The following SKIL variants were observed in gnomAD, a reference collection of about 807,000 sequenced individuals.
SKIL encodes ski-like protein.
Under a neutral mutation model 69.6 loss-of-function variants are expected in SKIL, and 20 were observed. The observed-to-expected ratio is 0.29, with a 90% confidence interval of 0.20 to 0.42. SKIL has a LOEUF of 0.42. SKIL is among the 10% of genes least tolerant of loss of function. SKIL has a pLI of 1.00. For missense variants in SKIL, 745 were observed against 783.1 expected, an observed-to-expected ratio of 0.95 and a Z score of 0.58; for synonymous variants, 310 against 279.9, an observed-to-expected ratio of 1.11 and a Z score of -1.08.
intron 2 of SKIL, among the ~76,000 whole-genome samples, chr3:170,374,650 A>G (rs139155889): frequency 3.1e-4 from 47 of 152,286 alleles, no homozygotes; most frequent in African/African-American, 1.0e-3. Flanking sequence ...TAGATGAGAA[A>G]ATCTGGCATG....
At chr3:170,375,091 T>C (rs1736969555) in intron 2 of SKIL, among the ~76,000 whole-genome samples, 1 of 152,216 alleles carries the variant, frequency 6.6e-6, no homozygotes, top group South Asian at 2.1e-4. Flanking sequence ...AAGGTAAGGC[T>C]GGTTCTTGAC....
At chr3:170,367,868 T>A (rs1280149480) in intron 2 of SKIL, among the ~76,000 whole-genome samples, 1 of 152,208 alleles carries the variant, frequency 6.6e-6, no homozygotes, top group South Asian at 2.1e-4. Context: ...ATAGATTACT[T>A]ATGATACAAA....
intron 4 of SKIL, 80 bp from the exon 5 acceptor site, chr3:170,390,143 A>G: frequency 1.0e-6 from 1 of 1,003,930 alleles, no homozygotes; most frequent in South Asian, 1.6e-5. Flanking sequence ...TGTTTTAAAA[A>G]TTACATTTAT....
intron 4 of SKIL, among the ~76,000 whole-genome samples, chr3:170,388,901 ACTCTGTTGCC>A (rs1189503140): frequency 6.6e-6 from 1 of 151,138 alleles, no homozygotes; most frequent in East Asian, 2.0e-4. Context: ...ACAGAGTCTC[ACTCTGTTGCC>A]CAGGCTGGAG....
chr3:170,358,064 C>A (rs1736021521), intron 1 of SKIL, among the ~76,000 whole-genome samples: 1 of 152,068 alleles, frequency 6.6e-6, no homozygotes, highest in South Asian at 2.1e-4. Flanking sequence ...CCCGGAGACC[C>A]GGACGCCCGT....
intron 2 of SKIL, among the ~76,000 whole-genome samples, chr3:170,366,690 C>CACAG (rs1553852231): frequency 3.0e-4 from 26 of 87,146 alleles, no homozygotes; most frequent in East Asian, 2.3e-3. Flanking sequence ...CACACACACA[C>CACAG]ACACAGACAC....
chr3:170,382,412 GAT>G (rs1491302785), intron 3 of SKIL, among the ~76,000 whole-genome samples: 8 of 83,266 alleles, frequency 9.6e-5, no homozygotes, highest in Non-Finnish European at 2.1e-4. Flanking sequence ...GTGCAACTTT[GAT>G]TTTTTTTTTT....
intron 2 of SKIL, among the ~76,000 whole-genome samples, chr3:170,363,088 A>T (rs1322318090): frequency 2.0e-5 from 3 of 152,042 alleles, no homozygotes; most frequent in African/African-American, 7.3e-5. Context: ...ATATAATTTT[A>T]TTTAATTCTT....
At chr3:170,358,197 C>T (rs1333717128) in intron 1 of SKIL, among the ~76,000 whole-genome samples, 2 of 152,208 alleles carry the variant, frequency 1.3e-5, no homozygotes, top group African/African-American at 4.8e-5. Flanking sequence ...GTGTCCTCTT[C>T]GTTCTGGCCC....
intron 2 of SKIL, among the ~76,000 whole-genome samples, chr3:170,367,897 C>A (rs1180904489): frequency 2.0e-5 from 3 of 152,130 alleles, no homozygotes; most frequent in Non-Finnish European, 4.4e-5. Flanking sequence ...CTAAAGATAG[C>A]AACTTAAAAA....
chr3:170,366,910 T>A (rs916941125), intron 2 of SKIL, among the ~76,000 whole-genome samples: 13 of 152,348 alleles, frequency 8.5e-5, no homozygotes, highest in Middle Eastern at 3.4e-3. Context: ...AGATCAAATA[T>A]ATGTAAACAA....
At chr3:170,362,491 A>G (rs1434815137) in intron 2 of SKIL, among the ~76,000 whole-genome samples, 10 of 150,056 alleles carry the variant, frequency 6.7e-5, no homozygotes, top group Non-Finnish European at 1.2e-4. Context: ...GTCGAGGGAA[A>G]CTCCATCAAA....
At chr3:170,387,269 G>C (rs370405815) in intron 4 of SKIL, among the ~76,000 whole-genome samples, 1 of 152,002 alleles carries the variant, frequency 6.6e-6, no homozygotes, top group Admixed American at 6.6e-5. Context: ...TGATCCACCC[G>C]CCTCGGCCCA....
At chr3:170,387,121 G>A (rs938411728) in intron 4 of SKIL, among the ~76,000 whole-genome samples, 4 of 151,862 alleles carry the variant, frequency 2.6e-5, no homozygotes, top group East Asian at 1.9e-4. Flanking sequence ...GGGTTCAAGC[G>A]ATTCTCCTGC....
At chr3:170,361,933 A>G (rs1290109235) in intron 2 of SKIL, among the ~76,000 whole-genome samples, 1 of 151,924 alleles carries the variant, frequency 6.6e-6, no homozygotes, top group African/African-American at 2.4e-5. Flanking sequence ...CTTCTTGACC[A>G]CTACATCTGT....
At chr3:170,361,873 C>T (rs146488390) in intron 2 of SKIL, among the ~76,000 whole-genome samples, 256 of 152,208 alleles carry the variant, frequency 1.7e-3, no homozygotes, top group African/African-American at 5.9e-3. Flanking sequence ...CCTTGAGCCC[C>T]TGTGTCCAGC....
chr3:170,366,151 GTA>G (rs1321609588), intron 2 of SKIL, among the ~76,000 whole-genome samples: 1 of 149,840 alleles, frequency 6.7e-6, no homozygotes. Flanking sequence ...TTTGACATGC[GTA>G]TATAGTTTAT....
At chr3:170,385,549 G>A (rs1420361627) in intron 4 of SKIL, among the ~76,000 whole-genome samples, 1 of 152,046 alleles carries the variant, frequency 6.6e-6, no homozygotes, top group Non-Finnish European at 1.5e-5. Flanking sequence ...GCATAAATGT[G>A]GAATATTGAC....
Position 170,396,129 on chromosome 3 carries a change from A to G in SKIL, c.*3712A>G, listed in dbSNP as rs1251765214. ...TATGTAGTGCTACAATTTTTGAATTAGAAAGTGATCAAATGTAAGAAAAAA... is the reference window on the plus strand; with the variant it reads ...TATGTAGTGCTACAATTTTTGAATTGGAAAGTGATCAAATGTAAGAAAAAA... On this transcript the variant is annotated 3_prime_UTR_variant, in exon 7 of 7. Transcript: ENST00000259119. 6.6e-6 allele frequency: 1 copy of G among 151,752 alleles called. No individual in the cohort carries two copies. The highest frequency in any genetic ancestry group is 1.5e-5 in the Non-Finnish European group (1 of 67,922). 9.4% of individuals were successfully genotyped at this position (151,752 alleles called of 1,614,324 possible). A position where few individuals can be genotyped will look rare whatever the true frequency, so the allele number is the denominator to read the frequency against.
Sources: gnomAD v4.1 joint callset for allele counts (sites outside exome capture counted in the v4.1 genomes callset) on GRCh38, gnomAD v4.1.1 for gene constraint, MANE v1.5 for transcripts, NCBI Gene and HGNC (gene_info 2026-07-23, HGNC 2026-07-21) for gene names.